The following AATK variants were observed in gnomAD, a reference collection of about 807,000 sequenced individuals.
AATK encodes the protein lemur tail kinase 1.
Under a neutral mutation model 114.3 loss-of-function variants are expected in AATK, and 91 were observed. The observed-to-expected ratio is 0.80, with a 90% confidence interval of 0.67 to 0.95. The LOEUF is 0.95. Among genes scored for constraint, AATK ranks in the 40% least tolerant of loss-of-function variants. The probability of loss-of-function intolerance (pLI) is 0.00; values close to 1 mark genes in which losing one functional copy is unlikely to be tolerated. For missense variants in AATK, 2,176 were observed against 1,965.2 expected (o/e 1.11, Z -2.03); for synonymous variants, 1,075 against 916.5 (o/e 1.17, Z -3.12).
chr17:81,147,437 T>C (rs2061237054), intron 1 of AATK, among the ~76,000 whole-genome samples: 1 of 151,468 alleles, frequency 6.6e-6, no homozygotes, highest in African/African-American at 2.4e-5. Flanking sequence ...CAATGGTATA[T>C]CTGCAAAATA....
chr17:81,121,648 G>T lies in AATK; in HGVS notation c.2288C>A (p.Pro763His). The change falls in exon 11 of 14, where the codon CCC becomes CAC. Residue 763 changes from proline to histidine, a missense_variant. Coordinates refer to ENST00000326724, the MANE Select transcript of AATK (RefSeq NM_001080395.3). ...GLAPAPCLVT[P>H]SWTETASSGG... is the part of the protein sequence containing the mutation. ...ACTACTGGCTGTCTCTGTCCAGGAG[G>T]GTGTAACCAGGCAGGGAGCAGGTGC... is the stretch of plus-strand genomic sequence containing the variant. The T allele has an allele frequency of 6.7e-7, 1 of 1,498,970 alleles. No homozygotes were observed. Among genetic ancestry groups the T allele is most frequent in the Non-Finnish European group, 8.9e-7 (1 of 1,127,954 alleles). The allele number at this position is 1,498,970 out of a possible 1,614,324, so 92.9% of individuals were successfully genotyped here. A position where few individuals can be genotyped will look rare whatever the true frequency, so the allele number is the denominator to read the frequency against.
intron 9 of AATK, among the ~76,000 whole-genome samples, chr17:81,123,590 A>G (rs1053578077): frequency 7.9e-5 from 12 of 152,170 alleles, no homozygotes; most frequent in African/African-American, 2.9e-4. Context: ...GGCCGAATCC[A>G]TCTGCTTGTC....
rs748897440 is a variant in AATK at position 81,120,542 on chromosome 17, G to A, written c.3394C>T (p.Arg1132Trp). The part of the protein sequence containing the change: ...GLLSGPAPQK[R>W]MGGPGTPRAP... ...CTGGGGGTGCCTGGGCCCCCCATCC[G>A]CTTTTGTGGGGCCGGCCCTGACAAC... Residue 1132 changes from arginine (R) to tryptophan (W), a missense_variant, in exon 11 of 14, where the codon CGG becomes TGG. Arg to Trp is a moderately radical substitution (Grantham distance 101). This residue lies in a region of AATK where 1,701 missense variants were observed against 1,394.7 expected (regional missense o/e 1.22). Coordinates refer to ENST00000326724, the MANE Select transcript of AATK (RefSeq NM_001080395.3). The A allele has an allele frequency of 4.7e-6, 7 of 1,488,028 alleles. No homozygotes were observed. Among genetic ancestry groups the A allele is most frequent in the South Asian group, 1.4e-5 (1 of 74,042 alleles). The allele number at this position is 1,488,028 out of a possible 1,614,324, so 92.2% of individuals were successfully genotyped here.
intron 1 of AATK, chr17:81,165,435 C>T (rs754636790): frequency 2.9e-6 from 1 of 340,382 alleles, no homozygotes; most frequent in Non-Finnish European, 5.8e-6. Flanking sequence ...GCCCACTGGG[C>T]TCTGTAATGT....
At chr17:81,142,350 G>A (rs2061151778) in intron 1 of AATK, among the ~76,000 whole-genome samples, 1 of 151,668 alleles carries the variant, frequency 6.6e-6, no homozygotes, top group African/African-American at 2.4e-5. Context: ...ACGGCTCATG[G>A]CAGCCTCAAA....
Position 81,123,212 on chromosome 17 carries a change from A to T in AATK, c.1094T>A (p.Leu365Gln). The change falls in exon 10 of 14, where the codon CTG (leucine) becomes CAG (glutamine). Residue 365 changes from leucine (L) to glutamine (Q), a missense_variant. Physicochemically the swap from Leu to Gln is moderately radical, Grantham distance 113. Transcript: ENST00000326724. ...QLKLPKPQLQ[L>Q]TLSDRWYEVM... The stretch of plus-strand genomic sequence containing the variant: ...CCCTCACCAGCGGTCCGACAGGGTC[A>T]GCTGCAGCTGGGGCTTGGGCAGCTT... The T allele has an allele frequency of 7.0e-7, 1 of 1,426,468 alleles. No individual in the cohort carries two copies. Among genetic ancestry groups the T allele is most frequent in the Non-Finnish European group, 9.2e-7 (1 of 1,092,058 alleles). 88.4% of individuals were successfully genotyped at this position (1,426,468 alleles called of 1,614,324 possible). A position where few individuals can be genotyped will look rare whatever the true frequency, so the allele number is the denominator to read the frequency against.
chr17:81,161,806 A>C (rs1384367900), intron 1 of AATK, among the ~76,000 whole-genome samples: 1 of 152,112 alleles, frequency 6.6e-6, no homozygotes, highest in Non-Finnish European at 1.5e-5. Flanking sequence ...GGGGAGGCAG[A>C]GGGCATGGCG....
intron 2 of AATK, chr17:81,132,752 C>T (rs1312607656): frequency 4.1e-6 from 1 of 242,670 alleles, no homozygotes; most frequent in Non-Finnish European, 8.7e-6. Flanking sequence ...TCCCTCAGCA[C>T]AGCTCCCCAC....
At chr17:81,152,378 G>A (rs2061309969) in intron 1 of AATK, among the ~76,000 whole-genome samples, 1 of 152,146 alleles carries the variant, frequency 6.6e-6, no homozygotes, top group Non-Finnish European at 1.5e-5. Context: ...TTGAGCCCAG[G>A]AGTTTGTCAC....
At position 81,119,256 on chromosome 17, in the gene AATK, A is replaced by AGGAGCGGGGCCGGGAAGGAGC. The variant is rs1555689415; in HGVS notation, c.4084+123_4084+124insGCTCCTTCCCGGCCCCGCTCC. The AGGAGCGGGGCCGGGAAGGAGC allele has an allele frequency of 2.2e-4, 212 of 948,374 alleles. 1 individual carries two copies. The highest frequency in any genetic ancestry group is 1.3e-3 in the African/African-American group (67 of 49,668). 58.7% of individuals were successfully genotyped at this position (948,374 alleles called of 1,614,324 possible). ...GGGCCGGGAAGGAGCGGGGCCGGGA[A>AGGAGCGGGGCCGGGAAGGAGC]GGAGCGGAGCGGAGCGGAGCCGGGG... On this transcript the variant is annotated intron_variant, in intron 13 of 13. Transcript: ENST00000326724.
At chr17:81,160,728 G>A (rs1443980530) in intron 1 of AATK, among the ~76,000 whole-genome samples, 2 of 152,248 alleles carry the variant, frequency 1.3e-5, no homozygotes, top group African/African-American at 4.8e-5. Context: ...GAGTGGTCGA[G>A]TGGGCCTCCC....
In AATK at chr17:81,121,754, G is replaced by A. The variant is rs1323922383; in HGVS notation, c.2182C>T (p.Leu728=). The change falls in exon 11 of 14, where the codon CTG becomes TTG. Residue 728 remains leucine, a synonymous_variant. Transcript: ENST00000326724. ...GCAGAGGCTGCCTGGAGCCCAAGCA[G>A]AGGCTCTCCAGGGTACCCCGGCTCG... ...SPEPGYPGEP[L]LGLQAASAQE... is the part of the protein sequence containing the mutation. 1.3e-6 allele frequency: 2 copies of A among 1,515,196 alleles called. No individual in the cohort carries two copies. The highest frequency in any genetic ancestry group is 1.8e-6 in the Non-Finnish European group (2 of 1,135,500). 93.9% of individuals were successfully genotyped at this position (1,515,196 alleles called of 1,614,324 possible).
At chr17:81,144,217 G>A (rs1371520360) in intron 1 of AATK, among the ~76,000 whole-genome samples, 2 of 152,214 alleles carry the variant, frequency 1.3e-5, no homozygotes, top group Non-Finnish European at 2.9e-5. Flanking sequence ...ACCCAGCCTG[G>A]CCCACACCTC....
intron 13 of AATK, 135 bp downstream of exon 13, chr17:81,119,229 TGGGGCCGGGAAGGAGC>T (rs71166125): frequency 0.59 from 478,767 of 813,362 alleles, 140,735 homozygotes; most frequent in East Asian, 0.61. Flanking sequence ...AGGCTAGGTC[TGGGGCCGGGAAGGAGC>T]GGGGCCGGGA....
chr17:81,134,105 C>T (rs2060975610), intron 2 of AATK, among the ~76,000 whole-genome samples: 1 of 152,186 alleles, frequency 6.6e-6, no homozygotes, highest in Non-Finnish European at 1.5e-5. Context: ...GTGCTCGGGC[C>T]CAACCCCAGG....
At chr17:81,144,354 C>T (rs1250335507) in intron 1 of AATK, among the ~76,000 whole-genome samples, 2 of 152,256 alleles carry the variant, frequency 1.3e-5, no homozygotes, top group Admixed American at 6.5e-5. Context: ...CCCTCCCCAT[C>T]GCTCTGTGCT....
intron 1 of AATK, among the ~76,000 whole-genome samples, chr17:81,157,164 A>C (rs2061376647): frequency 6.6e-6 from 1 of 152,220 alleles, no homozygotes; most frequent in African/African-American, 2.4e-5. Flanking sequence ...CGCCCCCGCC[A>C]AGAGAGGGGA....
At position 81,166,017 on chromosome 17, in the gene AATK, T is replaced by C. The variant is rs1191698191; in HGVS notation, c.-25A>G. 1 of 1,536,822 alleles carries C rather than the reference T, an allele frequency of 6.5e-7. No individual in the cohort carries two copies. The highest frequency in any genetic ancestry group is 8.7e-7 in the Non-Finnish European group (1 of 1,143,594). On this transcript the variant is annotated 5_prime_UTR_variant, in exon 1 of 14. An upstream start codon of the reference 5' UTR is lost. Transcript: ENST00000326724. ...TGGCCGGGCCAGCGGCCGGCGGGCA[T>C]CCCGGGAGGGCGCTGCGCTCAGGAC...
intron 1 of AATK, among the ~76,000 whole-genome samples, chr17:81,148,969 C>T (rs1198641040): frequency 3.9e-5 from 6 of 152,256 alleles, no homozygotes; most frequent in East Asian, 3.9e-4. Flanking sequence ...GAGGGAGACA[C>T]GGAGACCGGG....
Sources: allele counts gnomAD v4.1 joint callset (sites outside exome capture counted in the v4.1 genomes callset), GRCh38; gene constraint gnomAD v4.1.1; regional missense constraint gnomAD v4.1.1; transcripts MANE v1.5; gene names NCBI Gene and HGNC (gene_info 2026-07-23, HGNC 2026-07-21).